Variants in RGS12 observed in about 807,000 individuals in gnomAD.
RGS12 encodes the protein regulator of G protein signaling 12, also known as regulator of G-protein signaling 12.
RGS12 carries 66 observed loss-of-function variants against 120.1 expected under a neutral mutation model. The ratio of observed to expected loss-of-function variants is 0.55; its 90% CI spans 0.45 to 0.67. The LOEUF is 0.67. Ranked by LOEUF, RGS12 falls within the 30% of genes least tolerant of loss-of-function variation. RGS12 has a pLI of 0.00. For missense variants in RGS12, 1,859 were observed against 1,957.7 expected (o/e 0.95, Z 0.95); for synonymous variants, 827 against 804.7 (o/e 1.03, Z -0.47).
At chr4:3,302,368 G>C (rs760501238) in intron 1 of RGS12, among the ~76,000 whole-genome samples, 156 of 123,812 alleles carry the variant, frequency 1.3e-3, no homozygotes, top group Non-Finnish European at 1.9e-3. Flanking sequence ...GGCCCTGGCC[G>C]TTGTGGTCTG....
At chr4:3,370,267 A>G (rs201386052) in intron 3 of RGS12, 276 of 1,613,882 alleles carry the variant, frequency 1.7e-4, no homozygotes, top group Middle Eastern at 8.2e-4. Context: ...GGTGCCTTAC[A>G]ATGAATTTGG....
rs1266006187 is a variant in RGS12, at chr4:3,414,071, G to T, written c.2021-1G>T. Reference sequence around the variant, plus strand: ...AGGTGCTGTCTGTGCTGGTCCCGCAGAGTTGACGGGCGCCGACCTGAAGGA... The same window carrying T: ...AGGTGCTGTCTGTGCTGGTCCCGCATAGTTGACGGGCGCCGACCTGAAGGA... On this transcript the variant is annotated splice_acceptor_variant, in intron 4 of 17. Coordinates refer to ENST00000336727, the MANE Select transcript of RGS12 (RefSeq NM_001394154.1). LOFTEE classifies it high-confidence loss of function. 7 of 1,555,230 alleles carry T rather than the reference G, an allele frequency of 4.5e-6. No homozygotes were observed. The highest frequency in any genetic ancestry group is 5.2e-6 in the Non-Finnish European group (6 of 1,153,958).
intron 3 of RGS12, chr4:3,370,197 C>G (rs1472066975): frequency 1.9e-6 from 3 of 1,584,502 alleles, no homozygotes; most frequent in Non-Finnish European, 2.6e-6. Context: ...AAACTTTTCT[C>G]ACACGCACAA....
chr4:3,330,859 CCTTTAGCTTCA>C (rs1711759344), intron 2 of RGS12, among the ~76,000 whole-genome samples: 1 of 152,196 alleles, frequency 6.6e-6, no homozygotes, highest in Non-Finnish European at 1.5e-5. Context: ...TGAGATCGCT[CCTTTAGCTTCA>C]CTTCCCCATT....
chr4:3,320,965 G>A (rs2108687608), intron 2 of RGS12, among the ~76,000 whole-genome samples: 1 of 152,294 alleles, frequency 6.6e-6, no homozygotes, highest in East Asian at 1.9e-4. Flanking sequence ...GAGGGAGAGA[G>A]CAGAGGAGGC....
Position 3,439,564 on chromosome 4 carries a change from TG to T in RGS12, c.4226del (p.Gly1409AlafsTer83). 6.2e-7 allele frequency: 1 copy of T among 1,612,024 alleles called. No individual in the cohort carries two copies. Among genetic ancestry groups the T allele is most frequent in the South Asian group, 1.1e-5 (1 of 91,014 alleles). On this transcript the variant is annotated frameshift_variant, in exon 18 of 18. Transcript: ENST00000336727. LOFTEE classifies it low-confidence loss of function (END_TRUNC). Reference protein sequence around the residue: ...RDGGIAGAQAGPGRSQASGGP... With the variant: ...RDGGIAGAQAXPGRSQASGGP... ...ATGGTGGCATAGCGGGGGCACAGGC[TG>T]GCCCTGGGAGGTCGCAGGCCAGTGG...
At chr4:3,351,596 T>C (rs1387516684) in intron 3 of RGS12, among the ~76,000 whole-genome samples, 1 of 152,182 alleles carries the variant, frequency 6.6e-6, no homozygotes, top group Non-Finnish European at 1.5e-5. Context: ...GCAATGAGTT[T>C]ATCTTAATGC....
At chr4:3,437,205 G>A (rs999946096) in intron 17 of RGS12, among the ~76,000 whole-genome samples, 3 of 152,188 alleles carry the variant, frequency 2.0e-5, no homozygotes, top group Admixed American at 6.5e-5. Context: ...GCTGGCTCCC[G>A]TAGGCAGGAA....
At chr4:3,413,202 C>T (rs535590527) in intron 4 of RGS12, 1 of 135,092 alleles carries the variant, frequency 7.4e-6, no homozygotes, top group African/African-American at 2.8e-5. Flanking sequence ...GACGGGGGCG[C>T]CCCCACACTG....
chr4:3,384,005 T>C (rs1718546552), intron 3 of RGS12, among the ~76,000 whole-genome samples: 1 of 152,248 alleles, frequency 6.6e-6, no homozygotes, highest in African/African-American at 2.4e-5. Context: ...ATTTTACTCA[T>C]GAGCGTGACA....
At chr4:3,308,510 G>T (rs981910509) in intron 1 of RGS12, among the ~76,000 whole-genome samples, 4 of 152,196 alleles carry the variant, frequency 2.6e-5, no homozygotes, top group African/African-American at 7.2e-5. Context: ...TGGGGTGCGA[G>T]GTGTATGGGG....
rs1315531517 is a variant in RGS12, at chr4:3,317,748, C to T, written c.1578C>T (p.Thr526=). ...RSSVPPSKRG[T]VGAGCGFNQR... Reference sequence around the variant, plus strand: ...CAGTCCCCCCTTCCAAGAGGGGCACCGTGGGTGCTGGCTGTGGTTTCAACC... The same window carrying T: ...CAGTCCCCCCTTCCAAGAGGGGCACTGTGGGTGCTGGCTGTGGTTTCAACC... The change falls in exon 2 of 18, where the codon ACC becomes ACT. Residue 526 remains threonine (T), a synonymous_variant. Coordinates refer to ENST00000336727, the MANE Select transcript of RGS12 (RefSeq NM_001394154.1). 1.9e-5 allele frequency: 30 copies of T among 1,613,440 alleles called. No homozygotes were observed. The highest frequency in any genetic ancestry group is 8.8e-5 in the South Asian group (8 of 91,092).
At chr4:3,333,342 C>T (rs1163923717) in intron 2 of RGS12, among the ~76,000 whole-genome samples, 3 of 152,188 alleles carry the variant, frequency 2.0e-5, no homozygotes, top group African/African-American at 4.8e-5. Context: ...AGCTACCGTG[C>T]CCGGCCTGGT....
chr4:3,318,088 G>A (rs750807355), intron 2 of RGS12, 37 bp downstream of exon 2: 4 of 1,542,344 alleles, frequency 2.6e-6, no homozygotes, highest in Middle Eastern at 2.2e-4. Flanking sequence ...CGGAGGCCCG[G>A]CCTCCTCACT....
intron 3 of RGS12, among the ~76,000 whole-genome samples, chr4:3,344,057 G>A (rs982973294): frequency 2.0e-5 from 3 of 152,170 alleles, no homozygotes; most frequent in South Asian, 2.1e-4. Context: ...CCTTCAGCGC[G>A]TGTGGGACGG....
rs2109122659 is a variant in RGS12 at position 3,416,964 on chromosome 4, C to T, written c.2479C>T (p.Leu827=). ...DSYTRFLKSP[L]YQECILAEVE... Reference sequence around the variant, plus strand: ...CTACACTCGCTTTCTGAAGTCCCCGCTGTACCAGGAATGCATCCTGGCGGA... The same window carrying T: ...CTACACTCGCTTTCTGAAGTCCCCGTTGTACCAGGAATGCATCCTGGCGGA... The change falls in exon 8 of 18, where the codon CTG becomes TTG. Residue 827 remains leucine, a synonymous_variant. Coordinates refer to ENST00000336727, the MANE Select transcript of RGS12 (RefSeq NM_001394154.1). The T allele has an allele frequency of 6.2e-7, 1 of 1,612,354 alleles. No homozygotes were observed.
At chr4:3,322,975 G>A (rs1258733137) in intron 2 of RGS12, among the ~76,000 whole-genome samples, 1 of 152,152 alleles carries the variant, frequency 6.6e-6, no homozygotes, top group Non-Finnish European at 1.5e-5. Context: ...AATACCTTAT[G>A]GGTGTACTGG....
chr4:3,311,969 C>G (rs938467117), intron 1 of RGS12, among the ~76,000 whole-genome samples: 3 of 152,156 alleles, frequency 2.0e-5, no homozygotes, highest in African/African-American at 4.8e-5. Context: ...GGACCTTGTT[C>G]CCTTTTCCAC....
chr4:3,416,943 A>G lies in RGS12; in HGVS notation c.2458A>G (p.Thr820Ala). The change falls in exon 8 of 18, where the codon ACT (threonine) becomes GCT (alanine). Residue 820 changes from threonine (T) to alanine (A), a missense_variant. This residue lies in a region of RGS12 where 375 missense variants were observed against 475.0 expected (regional missense o/e 0.79). Coordinates refer to ENST00000336727, the MANE Select transcript of RGS12 (RefSeq NM_001394154.1). ...IFNLMKFDSY[T>A]RFLKSPLYQE... ...CAATCTCATGAAGTTTGATAGCTAC[A>G]CTCGCTTTCTGAAGTCCCCGCTGTA... 1.2e-6 allele frequency: 2 copies of G among 1,609,010 alleles called. No individual in the cohort carries two copies. Among genetic ancestry groups the G allele is most frequent in the South Asian group, 2.2e-5 (2 of 90,892 alleles).
Sources: allele counts gnomAD v4.1 joint callset (sites outside exome capture counted in the v4.1 genomes callset), GRCh38; gene constraint gnomAD v4.1.1; regional missense constraint gnomAD v4.1.1; transcripts MANE v1.5; gene names NCBI Gene and HGNC (gene_info 2026-07-23, HGNC 2026-07-21).